The following FAM193A variants were observed in gnomAD, a reference collection of about 807,000 sequenced individuals.
The protein encoded by FAM193A is family with sequence similarity 193 member A.
A neutral mutation model predicts 126.5 loss-of-function variants in FAM193A; 22 were observed. The ratio of observed to expected loss-of-function variants is 0.17; its 90% CI spans 0.12 to 0.25. The LOEUF (loss-of-function observed/expected upper bound fraction) is 0.25. Ranked by LOEUF, FAM193A falls within the 10% of genes least tolerant of loss-of-function variation. The pLI, the probability that FAM193A is intolerant of heterozygous loss-of-function variation, is 1.00. For synonymous variants in FAM193A, 761 were observed against 646.8 expected, an observed-to-expected ratio of 1.18 and a Z score of -2.68; for missense variants, 1,675 against 1,672.8, an observed-to-expected ratio of 1.00 and a Z score of -0.02.
intron 14 of FAM193A, among the ~76,000 whole-genome samples, chr4:2,690,060 G>T (rs1716190209): frequency 1.3e-5 from 2 of 152,216 alleles, no homozygotes; most frequent in Admixed American, 6.5e-5. Flanking sequence ...CCCCCCCGGT[G>T]CACAGGGGCA....
At chr4:2,642,854 TC>T (rs1451922115) in intron 6 of FAM193A, among the ~76,000 whole-genome samples, 1 of 151,466 alleles carries the variant, frequency 6.6e-6, no homozygotes, top group Non-Finnish European at 1.5e-5. Context: ...TGCCTCAGCC[TC>T]CCGAGTAGCT....
At chr4:2,662,102 G>C (rs1712525517) in intron 10 of FAM193A, among the ~76,000 whole-genome samples, 1 of 152,142 alleles carries the variant, frequency 6.6e-6, no homozygotes, top group African/African-American at 2.4e-5. Flanking sequence ...GGAATGGCGT[G>C]AACCTGGGGG....
chr4:2,543,990 C>T (rs1471897869), intron 1 of FAM193A, among the ~76,000 whole-genome samples: 2 of 149,554 alleles, frequency 1.3e-5, no homozygotes, highest in South Asian at 2.1e-4. Flanking sequence ...CTTTGGGGTA[C>T]ATGAGGGTGC....
At chr4:2,716,594 G>A (rs980465482) in intron 20 of FAM193A, among the ~76,000 whole-genome samples, 1 of 152,178 alleles carries the variant, frequency 6.6e-6, no homozygotes, top group African/African-American at 2.4e-5. Context: ...TTACATACTT[G>A]CTGTTTTCCT....
At chr4:2,554,999 C>A (rs780829793) in intron 1 of FAM193A, among the ~76,000 whole-genome samples, 1 of 152,004 alleles carries the variant, frequency 6.6e-6, no homozygotes, top group Non-Finnish European at 1.5e-5. Flanking sequence ...CCTGATTATT[C>A]TTCATTAATT....
intron 6 of FAM193A, among the ~76,000 whole-genome samples, chr4:2,646,018 T>A (rs1394866027): frequency 6.6e-6 from 1 of 152,084 alleles, no homozygotes; most frequent in Non-Finnish European, 1.5e-5. Flanking sequence ...TTTATTTTTT[T>A]ATCATTTTTA....
chr4:2,574,269 A>G (rs750847782), intron 1 of FAM193A, among the ~76,000 whole-genome samples: 4 of 152,054 alleles, frequency 2.6e-5, no homozygotes, highest in Non-Finnish European at 5.9e-5. Flanking sequence ...CTTCTGTGGA[A>G]CATGGGGAGT....
chr4:2,715,554 G>A (rs957857316), intron 19 of FAM193A: 1 of 992,812 alleles, frequency 1.0e-6, no homozygotes, highest in Non-Finnish European at 1.2e-6. Flanking sequence ...TCCTCTTCCT[G>A]TCAAGGGCAC....
intron 12 of FAM193A, among the ~76,000 whole-genome samples, chr4:2,667,374 C>T (rs1464602485): frequency 6.6e-6 from 1 of 152,172 alleles, no homozygotes; most frequent in Non-Finnish European, 1.5e-5. Context: ...TATATTCTTA[C>T]TGATTATCTG....
At chr4:2,643,744 C>T (rs974063127) in intron 6 of FAM193A, among the ~76,000 whole-genome samples, 1 of 152,186 alleles carries the variant, frequency 6.6e-6, no homozygotes, top group Admixed American at 6.5e-5. Flanking sequence ...GTTTGGCCAC[C>T]TCCATCCTCT....
At chr4:2,728,051 C>A (rs1016207566) in intron 20 of FAM193A, among the ~76,000 whole-genome samples, 1 of 152,014 alleles carries the variant, frequency 6.6e-6, no homozygotes, top group African/African-American at 2.4e-5. Context: ...CCTGCCTCAG[C>A]ATCCTGGGTA....
intron 19 of FAM193A, chr4:2,715,509 G>C (rs1719443024): frequency 1.0e-6 from 1 of 988,390 alleles, no homozygotes; most frequent in African/African-American, 1.7e-5. Context: ...ATGAATGCCT[G>C]GGAGAACCAC....
intron 1 of FAM193A, among the ~76,000 whole-genome samples, chr4:2,540,257 C>T (rs187419498): frequency 1.2e-3 from 187 of 151,978 alleles, no homozygotes; most frequent in Admixed American, 3.1e-3. Context: ...ATCACGAGGT[C>T]AGGAGATCGA....
At chr4:2,590,510 A>C (rs1230494298) in intron 1 of FAM193A, among the ~76,000 whole-genome samples, 1 of 133,186 alleles carries the variant, frequency 7.5e-6, no homozygotes, top group African/African-American at 3.5e-5. Context: ...AAAAAACAAA[A>C]AAAAAACAAA....
At position 2,672,319 on chromosome 4, in the gene FAM193A, C is replaced by T. The variant is rs757450850; in HGVS notation, c.2278C>T (p.Arg760Cys). 24 of 1,614,080 alleles carry T rather than the reference C, an allele frequency of 1.5e-5. No homozygotes were observed. The highest frequency in any genetic ancestry group is 1.7e-5 in the Non-Finnish European group (20 of 1,180,032). ...TTTGCACACTGTTCCACACCTGCCACGCCCTCTCATCCACCCCACCTTGTA... is the reference window on the plus strand; with the variant it reads ...TTTGCACACTGTTCCACACCTGCCATGCCCTCTCATCCACCCCACCTTGTA... ...VPLHTVPHLP[R>C]PLIHPTLYAT... The change falls in exon 13 of 21, where the codon CGC (arginine) becomes TGC (cysteine). Residue 760 changes from arginine (R) to cysteine (C), a missense_variant. Physicochemically the swap from Arg to Cys is radical, Grantham distance 180. This residue lies in a region of FAM193A where 1,186 missense variants were observed against 1,109.2 expected (regional missense o/e 1.07). Coordinates refer to ENST00000637812, the MANE Select transcript of FAM193A (RefSeq NM_001366318.2).
chr4:2,583,061 C>T (rs973681738), intron 1 of FAM193A, among the ~76,000 whole-genome samples: 14 of 152,260 alleles, frequency 9.2e-5, no homozygotes, highest in African/African-American at 2.9e-4. Context: ...CTCCACCTCC[C>T]GGGTTCAAGC....
intron 19 of FAM193A, among the ~76,000 whole-genome samples, chr4:2,710,205 C>T (rs1306652242): frequency 8.9e-6 from 1 of 112,964 alleles, no homozygotes; most frequent in Non-Finnish European, 1.7e-5. Context: ...GACAGAGTCT[C>T]GCTCTGTCCC....
chr4:2,586,104 G>T (rs186132004), intron 1 of FAM193A, among the ~76,000 whole-genome samples: 6 of 151,906 alleles, frequency 3.9e-5, no homozygotes, highest in African/African-American at 1.4e-4. Context: ...TTAGCCAGGC[G>T]TGGTGGTGCA....
chr4:2,611,143 G>A lies in FAM193A; in HGVS notation c.502-14119G>A, dbSNP rs560561136. Reference sequence around the variant, plus strand: ...AGTGCTTATACTGTTCTGCAGCCACGTATGAGAGGTCCAGTTGATCTTTAT... The same window carrying A: ...AGTGCTTATACTGTTCTGCAGCCACATATGAGAGGTCCAGTTGATCTTTAT... On this transcript the variant is annotated intron_variant, in intron 2 of 20. Transcript: ENST00000637812. Among the ~76,000 whole-genome samples the A allele has an allele frequency of 3.9e-5, 6 of 152,292 alleles. No homozygotes were observed. The South Asian group carries it at 1.2e-3, about 32-fold the overall frequency.
Sources: allele counts gnomAD v4.1 joint callset (sites outside exome capture counted in the v4.1 genomes callset), GRCh38; gene constraint gnomAD v4.1.1; regional missense constraint gnomAD v4.1.1; transcripts MANE v1.5; gene names NCBI Gene and HGNC (gene_info 2026-07-23, HGNC 2026-07-21).